TAF4B: variants seen among roughly 807,000 people sequenced by gnomAD.
TAF4B encodes transcription initiation factor TFIID subunit 4B.
TAF4B carries 38 observed loss-of-function variants against 86.4 expected under a neutral mutation model. The observed-to-expected ratio is 0.44, with a 90% CI of 0.34 to 0.58. TAF4B has a LOEUF of 0.58. TAF4B is among the 20% of genes least tolerant of loss of function. TAF4B has a pLI of 0.02. For synonymous variants in TAF4B, 388 were observed against 391.2 expected, an observed-to-expected ratio of 0.99 and a Z score of 0.10; for missense variants, 988 against 1,027.6, an observed-to-expected ratio of 0.96 and a Z score of 0.53.
chr18:26,297,708 T>C (rs894501076), intron 9 of TAF4B, among the ~76,000 whole-genome samples: 1 of 152,212 alleles, frequency 6.6e-6, no homozygotes, highest in African/African-American at 2.4e-5. Context: ...TACAGGTATA[T>C]TGCTTTTGTT....
intron 13 of TAF4B, among the ~76,000 whole-genome samples, chr18:26,343,983 C>CA (rs1344004019): frequency 1.3e-5 from 2 of 152,088 alleles, no homozygotes; most frequent in Non-Finnish European, 2.9e-5. Flanking sequence ...AATTATCTGA[C>CA]AAACACACTA....
At chr18:26,279,109 C>G (rs568762331) in intron 5 of TAF4B, among the ~76,000 whole-genome samples, 1 of 152,072 alleles carries the variant, frequency 6.6e-6, no homozygotes, top group South Asian at 2.1e-4. Flanking sequence ...TGATATGATT[C>G]TATGCCTAGG....
chr18:26,296,712 C>G (rs1263168795), intron 9 of TAF4B, among the ~76,000 whole-genome samples: 1 of 152,172 alleles, frequency 6.6e-6, no homozygotes, highest in Non-Finnish European at 1.5e-5. Context: ...CCTTTGCACT[C>G]CTTACCAGCC....
In TAF4B at chr18:26,315,138, CTCTCTCTG is replaced by C. The variant is rs1435679048; in HGVS notation, c.1833-83_1833-76del. 6.3e-3 allele frequency: 1,368 copies of C among 216,850 alleles called. 40 individuals carry two copies. The highest frequency in any genetic ancestry group is 0.024 in the African/African-American group (382 of 15,808). 13.4% of individuals were successfully genotyped at this position (216,850 alleles called of 1,614,324 possible). A position where few individuals can be genotyped will look rare whatever the true frequency, so the allele number is the denominator to read the frequency against. On this transcript the variant is annotated intron_variant, in intron 9 of 14. Coordinates refer to ENST00000269142, the MANE Select transcript of TAF4B (RefSeq NM_005640.3). The stretch of plus-strand genomic sequence containing the variant: ...TCTCTCTCTCTCTCTCTCTCTCTCT[CTCTCTCTG>C]TCTCTCTCTCTCTCTCACACACACA...
intron 1 of TAF4B, among the ~76,000 whole-genome samples, chr18:26,244,864 G>C (rs1270349647): frequency 6.6e-6 from 1 of 152,222 alleles, no homozygotes; most frequent in Non-Finnish European, 1.5e-5. Flanking sequence ...TTTCAGGATA[G>C]ATAGGATAGA....
chr18:26,245,404 G>A (rs2055907568), intron 1 of TAF4B, among the ~76,000 whole-genome samples: 2 of 152,094 alleles, frequency 1.3e-5, no homozygotes, highest in Admixed American at 6.6e-5. Flanking sequence ...TGTGAAGAGC[G>A]ATAGAACAAA....
intron 9 of TAF4B, among the ~76,000 whole-genome samples, chr18:26,307,832 C>T (rs2056810772): frequency 1.3e-5 from 2 of 152,178 alleles, no homozygotes; most frequent in South Asian, 4.2e-4. Flanking sequence ...GTCTGTTTGT[C>T]CTTGTGTATG....
chr18:26,246,272 A>G (rs949253994), intron 1 of TAF4B, among the ~76,000 whole-genome samples: 10 of 152,194 alleles, frequency 6.6e-5, no homozygotes, highest in Non-Finnish European at 1.3e-4. Flanking sequence ...CTGAATGACT[A>G]TGTCTAAGAA....
intron 14 of TAF4B, among the ~76,000 whole-genome samples, chr18:26,367,095 A>C (rs548687860): frequency 6.6e-6 from 1 of 152,188 alleles, no homozygotes; most frequent in African/African-American, 2.4e-5. Flanking sequence ...CTATTCTATA[A>C]TTTGTGGGAC....
intron 1 of TAF4B, among the ~76,000 whole-genome samples, chr18:26,247,066 T>C (rs1349772767): frequency 6.6e-6 from 1 of 151,990 alleles, no homozygotes; most frequent in Admixed American, 6.6e-5. Flanking sequence ...GGTTTCTCCA[T>C]GTTGGTCAGG....
chr18:26,353,879 C>T (rs887832273), intron 13 of TAF4B, among the ~76,000 whole-genome samples: 11 of 152,134 alleles, frequency 7.2e-5, no homozygotes, highest in Non-Finnish European at 1.3e-4. Context: ...AATTTTTTCT[C>T]TTATAGATAT....
At position 26,274,841 on chromosome 18, in the gene TAF4B, A is replaced by T. The variant is rs1296981121; in HGVS notation, c.759+17A>T. On this transcript the variant is annotated intron_variant, in intron 4 of 14. Transcript: ENST00000269142. ...CTTTCTCCGGTAAGCTCTTACTTGCACCTTACATAAATCTTGTTCCTTGCA... is the reference window on the plus strand; with the variant it reads ...CTTTCTCCGGTAAGCTCTTACTTGCTCCTTACATAAATCTTGTTCCTTGCA... 6.2e-7 allele frequency: 1 copy of T among 1,614,118 alleles called. No individual in the cohort carries two copies.
rs188281906 is a variant in TAF4B at position 26,297,864 on chromosome 18, T to G, written c.1832+4333T>G. Among the ~76,000 whole-genome samples the G allele has an allele frequency of 2.8e-3, 428 of 152,270 alleles. 1 individual carries two copies. Among genetic ancestry groups the G allele is most frequent in the African/African-American group, 9.9e-3 (413 of 41,560 alleles). Reference sequence around the variant, plus strand: ...CTATAAATACATAGAACAGAATTGCTGAGTCGTATGGTAGGTATATAAGCA... The same window carrying G: ...CTATAAATACATAGAACAGAATTGCGGAGTCGTATGGTAGGTATATAAGCA... On this transcript the variant is annotated intron_variant, in intron 9 of 14. Transcript: ENST00000269142.
Position 26,292,398 on chromosome 18 carries a change from C to G in TAF4B, c.1726+17C>G. The G allele has an allele frequency of 2.5e-6, 4 of 1,603,728 alleles. No individual in the cohort carries two copies. The highest frequency in any genetic ancestry group is 3.4e-6 in the Non-Finnish European group (4 of 1,176,156). The stretch of plus-strand genomic sequence containing the variant: ...TTCCTCCAGGTAGATGCTGGTCCAT[C>G]TCAGTCCCATCATGCTGGGTTAGAA... On this transcript the variant is annotated intron_variant, in intron 8 of 14. Coordinates refer to ENST00000269142, the MANE Select transcript of TAF4B (RefSeq NM_005640.3).
chr18:26,278,221 A>G (rs895434247), intron 5 of TAF4B, among the ~76,000 whole-genome samples: 4 of 152,226 alleles, frequency 2.6e-5, no homozygotes, highest in African/African-American at 7.2e-5. Context: ...TTAAAGAGGT[A>G]TCTACTGAAG....
In TAF4B at chr18:26,291,263, TTTGTC is replaced by T. The variant is rs368229874; in HGVS notation, c.1591-978_1591-974del. 2.8e-3 allele frequency among the ~76,000 whole-genome samples: 422 copies of T among 152,086 alleles called. 3 individuals are homozygous for T. Among genetic ancestry groups the T allele is most frequent in the African/African-American group, 9.2e-3 (381 of 41,514 alleles). ...ATGACTGTTTTTCTACCTGTTTTGT[TTTGTC>T]TTGTTTTTTTGAGACAGGGTCTCAC... On this transcript the variant is annotated intron_variant, in intron 7 of 14. Coordinates refer to ENST00000269142, the MANE Select transcript of TAF4B (RefSeq NM_005640.3).
chr18:26,226,943 G>A lies in TAF4B; in HGVS notation c.10G>A (p.Gly4Ser). 7.3e-7 allele frequency: 1 copy of A among 1,375,228 alleles called. No individual in the cohort carries two copies. The highest frequency in any genetic ancestry group is 1.5e-5 in the African/African-American group (1 of 65,174). The allele number at this position is 1,375,228 out of a possible 1,614,324, so 85.2% of individuals were successfully genotyped here. The change falls in exon 1 of 15, where the codon GGC (glycine) becomes AGC (serine). Residue 4 changes from glycine to serine, a missense_variant. Coordinates refer to ENST00000269142, the MANE Select transcript of TAF4B (RefSeq NM_005640.3). MPAGLTEPAGAAPP... is the reference protein window; with the variant it reads MPASLTEPAGAAPP... ...GCTGAGCCCCTGGGGGATGCCCGCC[G>A]GCCTCACCGAACCCGCCGGCGCCGC...
intron 13 of TAF4B, among the ~76,000 whole-genome samples, chr18:26,342,693 G>A (rs901204793): frequency 1.3e-5 from 2 of 152,172 alleles, no homozygotes; most frequent in Non-Finnish European, 2.9e-5. Flanking sequence ...CTGTTGCTTA[G>A]TTGCCTTCTA....
At chr18:26,232,746 G>T (rs982465797) in intron 1 of TAF4B, among the ~76,000 whole-genome samples, 2 of 152,322 alleles carry the variant, frequency 1.3e-5, no homozygotes, top group South Asian at 4.1e-4. Context: ...AGGCCTCAGC[G>T]GTTTTGGAGA....
Sources: allele counts gnomAD v4.1 joint callset (sites outside exome capture counted in the v4.1 genomes callset), GRCh38; gene constraint gnomAD v4.1.1; transcripts MANE v1.5; gene names NCBI Gene and HGNC (gene_info 2026-07-23, HGNC 2026-07-21).